Variants in B3GAT2 observed in about 807,000 individuals in gnomAD.
B3GAT2 encodes galactosylgalactosylxylosylprotein 3-beta-glucuronosyltransferase 2.
Under a neutral mutation model 27.8 loss-of-function variants are expected in B3GAT2, and 26 were observed. The ratio of observed to expected loss-of-function variants is 0.93; its 90% CI spans 0.68 to 1.30. B3GAT2 has a LOEUF of 1.30. Ranked by LOEUF, B3GAT2 falls within the 50% of genes most tolerant of loss-of-function variation. The pLI is 0.00. For missense variants in B3GAT2, 458 were observed against 459.0 expected (o/e 1.00, Z 0.02); for synonymous variants, 218 against 195.1 (o/e 1.12, Z -0.98).
chr6:70,950,477 A>C (rs1247182747), intron 1 of B3GAT2, among the ~76,000 whole-genome samples: 3 of 152,252 alleles, frequency 2.0e-5, no homozygotes. Context: ...TATAATGATG[A>C]CATATTTTCA....
intron 1 of B3GAT2, among the ~76,000 whole-genome samples, chr6:70,897,368 C>T (rs1772405503): frequency 6.6e-6 from 1 of 152,006 alleles, no homozygotes. Context: ...TTTTGAAAAA[C>T]AGAAGTTTTA....
intron 1 of B3GAT2, among the ~76,000 whole-genome samples, chr6:70,947,481 A>C (rs978975337): frequency 1.3e-5 from 2 of 152,218 alleles, no homozygotes; most frequent in Admixed American, 6.5e-5. Flanking sequence ...GAAAATCTAG[A>C]AGAAATGGAT....
At chr6:70,864,249 T>G (rs1771814671) in intron 2 of B3GAT2, among the ~76,000 whole-genome samples, 2 of 152,100 alleles carry the variant, frequency 1.3e-5, no homozygotes, top group Admixed American at 1.3e-4. Flanking sequence ...GGATCTGATT[T>G]CCTTCATTTT....
At position 70,861,336 on chromosome 6, in the gene B3GAT2, T is replaced by TAA. The variant is rs1012515880; in HGVS notation, c.*325_*326dup. ...CCAACCTGTTCAAGTCTACCAATTA[T>TAA]AAGGGCAAATTGGAGAAAAAGAAAA... On this transcript the variant is annotated 3_prime_UTR_variant, in exon 4 of 4. Coordinates refer to ENST00000230053, the MANE Select transcript of B3GAT2 (RefSeq NM_080742.3). 4.3e-6 allele frequency: 1 copy of TAA among 233,634 alleles called. No individual in the cohort carries two copies. The highest frequency in any genetic ancestry group is 2.2e-5 in the African/African-American group (1 of 45,008). 14.5% of individuals were successfully genotyped at this position (233,634 alleles called of 1,614,324 possible).
At chr6:70,906,639 T>C (rs1286081078) in intron 1 of B3GAT2, among the ~76,000 whole-genome samples, 1 of 152,158 alleles carries the variant, frequency 6.6e-6, no homozygotes, top group African/African-American at 2.4e-5. Context: ...CACCCAGCCT[T>C]ATAGCAAGTT....
chr6:70,857,747 A>C lies in B3GAT2; in HGVS notation c.*3916T>G. The stretch of plus-strand genomic sequence containing the variant: ...AATAACTGATTTGTCTGCATCCTAG[A>C]AACAACCAGCTCTCAGGGTTTAGGT... On this transcript the variant is annotated 3_prime_UTR_variant, in exon 4 of 4. Transcript: ENST00000230053. 1 of 619,980 alleles carries C rather than the reference A, an allele frequency of 1.6e-6. No homozygotes were observed. Among genetic ancestry groups the C allele is most frequent in the East Asian group, 2.8e-5 (1 of 36,080 alleles). 38.4% of individuals were successfully genotyped at this position (619,980 alleles called of 1,614,324 possible).
intron 1 of B3GAT2, among the ~76,000 whole-genome samples, chr6:70,926,990 C>T (rs929888756): frequency 6.6e-6 from 1 of 152,122 alleles, no homozygotes; most frequent in African/African-American, 2.4e-5. Context: ...AGCAGAAACA[C>T]TACAAGCCAG....
chr6:70,951,586 A>G (rs549186196), intron 1 of B3GAT2, among the ~76,000 whole-genome samples: 7 of 152,332 alleles, frequency 4.6e-5, no homozygotes, highest in African/African-American at 1.4e-4. Context: ...GAACATCTTT[A>G]GGCCCAAATT....
At chr6:70,868,948 G>C (rs1771893937) in intron 2 of B3GAT2, among the ~76,000 whole-genome samples, 1 of 152,016 alleles carries the variant, frequency 6.6e-6, no homozygotes, top group South Asian at 2.1e-4. Context: ...TCCTTATTGA[G>C]ATATAATTCA....
intron 1 of B3GAT2, among the ~76,000 whole-genome samples, chr6:70,955,140 G>C (rs1237624154): frequency 2.0e-5 from 3 of 148,950 alleles, no homozygotes; most frequent in Non-Finnish European, 4.4e-5. Context: ...TAACCACAGG[G>C]CAGAACAGTT....
rs1306553294 is a variant in B3GAT2 at position 70,956,034 on chromosome 6, C to T, written c.396G>A (p.Arg132=). ...GCAGGTGAGTGCTGGGCAGCCCGGC[C>T]CGCGCCAGGAAGCGGCTCACCAGCT... ...RSELVSRFLA[R]AGLPSTHLHV... Residue 132 remains arginine (R), a synonymous_variant, in exon 1 of 4, where the codon CGG becomes CGA. Coordinates refer to ENST00000230053, the MANE Select transcript of B3GAT2 (RefSeq NM_080742.3). 1.3e-6 allele frequency: 2 copies of T among 1,556,112 alleles called. No homozygotes were observed. The highest frequency in any genetic ancestry group is 1.7e-6 in the Non-Finnish European group (2 of 1,158,780).
chr6:70,885,558 T>C (rs1772171278), intron 2 of B3GAT2, among the ~76,000 whole-genome samples: 1 of 152,128 alleles, frequency 6.6e-6, no homozygotes, highest in South Asian at 2.1e-4. Flanking sequence ...ATTCATTGAA[T>C]GATAATGAGC....
Position 70,860,197 on chromosome 6 carries a change from C to G in B3GAT2, c.*1466G>C. The G allele has an allele frequency of 6.2e-7, 1 of 1,603,490 alleles. No individual in the cohort carries two copies. Among genetic ancestry groups the G allele is most frequent in the Non-Finnish European group, 8.5e-7 (1 of 1,176,200 alleles). On this transcript the variant is annotated 3_prime_UTR_variant, in exon 4 of 4. Transcript: ENST00000230053. ...TGAACTAAGCCTTTTATATGTTTCA[C>G]AGATGAATCAGCAGATGGCTGGCAT...
At chr6:70,934,515 A>G (rs1582390915) in intron 1 of B3GAT2, among the ~76,000 whole-genome samples, 1 of 152,206 alleles carries the variant, frequency 6.6e-6, no homozygotes, top group East Asian at 1.9e-4. Flanking sequence ...CTTTATTAAG[A>G]AAGCCAATGT....
At chr6:70,928,266 T>G (rs1377680139) in intron 1 of B3GAT2, among the ~76,000 whole-genome samples, 1 of 151,510 alleles carries the variant, frequency 6.6e-6, no homozygotes, top group African/African-American at 2.4e-5. Flanking sequence ...AACATCACAA[T>G]TAAAAGAACT....
chr6:70,861,220 C>T lies in B3GAT2; in HGVS notation c.*443G>A. 5.9e-6 allele frequency: 1 copy of T among 170,660 alleles called. No individual in the cohort carries two copies. Among genetic ancestry groups the T allele is most frequent in the South Asian group, 1.6e-4 (1 of 6,284 alleles). The allele number at this position is 170,660 out of a possible 1,614,324, so 10.6% of individuals were successfully genotyped here. A position where few individuals can be genotyped will look rare whatever the true frequency, so the allele number is the denominator to read the frequency against. ...TATGATGTATACTGCCACTAACCTT[C>T]CAAAAATTACTTAGTATTGCAAAGT... is the stretch of plus-strand genomic sequence containing the variant. On this transcript the variant is annotated 3_prime_UTR_variant, in exon 4 of 4. Coordinates refer to ENST00000230053, the MANE Select transcript of B3GAT2 (RefSeq NM_080742.3).
At chr6:70,949,300 T>C (rs1422070226) in intron 1 of B3GAT2, among the ~76,000 whole-genome samples, 1 of 152,130 alleles carries the variant, frequency 6.6e-6, no homozygotes, top group Non-Finnish European at 1.5e-5. Flanking sequence ...TTTCGCAACC[T>C]ACTCATCTGA....
intron 1 of B3GAT2, among the ~76,000 whole-genome samples, chr6:70,909,211 T>C (rs533327819): frequency 7.2e-5 from 11 of 152,266 alleles, no homozygotes; most frequent in Admixed American, 6.5e-5. Context: ...GCAGTGTTTA[T>C]GTAAATAAGG....
At chr6:70,902,398 G>C (rs1355494110) in intron 1 of B3GAT2, among the ~76,000 whole-genome samples, 1 of 151,880 alleles carries the variant, frequency 6.6e-6, no homozygotes, top group Non-Finnish European at 1.5e-5. Flanking sequence ...AATGTAAATT[G>C]GCATAGCCAT....
Sources: allele counts gnomAD v4.1 joint callset (sites outside exome capture counted in the v4.1 genomes callset), GRCh38; gene constraint gnomAD v4.1.1; transcripts MANE v1.5; gene names NCBI Gene and HGNC (gene_info 2026-07-23, HGNC 2026-07-21).